The following CTNNA3 variants were observed in gnomAD, a reference collection of about 807,000 sequenced individuals.
CTNNA3 encodes the protein catenin alpha 3.
CTNNA3 carries 76 observed loss-of-function variants against 95.7 expected under a neutral mutation model. The ratio of observed to expected loss-of-function variants is 0.79; its 90% CI spans 0.66 to 0.96. CTNNA3 has a LOEUF of 0.96. CTNNA3 is among the 40% of genes least tolerant of loss of function. CTNNA3 has a pLI of 0.00. For missense variants in CTNNA3, 1,191 were observed against 1,089.8 expected (o/e 1.09, Z -1.31); for synonymous variants, 431 against 374.4 (o/e 1.15, Z -1.74).
intron 7 of CTNNA3, among the ~76,000 whole-genome samples, chr10:67,103,902 AAAC>A (rs199969712): frequency 1.6e-3 from 243 of 151,820 alleles, no homozygotes; most frequent in African/African-American, 4.5e-3. Flanking sequence ...CTAATGGAAA[AAAC>A]AACAACAACA....
At chr10:66,683,933 T>C (rs1847156615) in intron 9 of CTNNA3, among the ~76,000 whole-genome samples, 1 of 152,246 alleles carries the variant, frequency 6.6e-6, no homozygotes, top group African/African-American at 2.4e-5. Flanking sequence ...AAGGCATCAA[T>C]GCTTTGCGAT....
intron 2 of CTNNA3, among the ~76,000 whole-genome samples, chr10:67,613,873 C>T (rs369923213): frequency 6.6e-6 from 1 of 151,862 alleles, no homozygotes; most frequent in African/African-American, 2.4e-5. Context: ...TGGGGGTAGA[C>T]GTTTTTGTGC....
At chr10:67,224,772 G>A (rs774786378) in intron 5 of CTNNA3, among the ~76,000 whole-genome samples, 6 of 152,198 alleles carry the variant, frequency 3.9e-5, no homozygotes, top group African/African-American at 1.4e-4. Context: ...TCCACTGGGA[G>A]GGCAGCCAGA....
intron 15 of CTNNA3, among the ~76,000 whole-genome samples, chr10:66,060,265 C>A (rs1349227595): frequency 1.3e-5 from 2 of 151,864 alleles, no homozygotes; most frequent in African/African-American, 4.8e-5. Flanking sequence ...GAGCAAAAAA[C>A]GGGGCCATAA....
At chr10:67,179,366 G>A (rs1862394690) in intron 7 of CTNNA3, among the ~76,000 whole-genome samples, 1 of 151,354 alleles carries the variant, frequency 6.6e-6, no homozygotes, top group African/African-American at 2.4e-5. Context: ...AATAGTTACA[G>A]ACATTCCATA....
chr10:66,317,377 T>C (rs1224533640), intron 12 of CTNNA3, among the ~76,000 whole-genome samples: 1 of 152,014 alleles, frequency 6.6e-6, no homozygotes, highest in Non-Finnish European at 1.5e-5. Context: ...GAAATACTTA[T>C]AAAAAGAAAT....
At chr10:66,996,185 A>G (rs1851325411) in intron 7 of CTNNA3, among the ~76,000 whole-genome samples, 1 of 152,188 alleles carries the variant, frequency 6.6e-6, no homozygotes, top group South Asian at 2.1e-4. Flanking sequence ...ATGAAGTTTA[A>G]TGGTTTCAAG....
intron 9 of CTNNA3, among the ~76,000 whole-genome samples, chr10:66,711,431 T>C (rs544163593): frequency 6.6e-6 from 1 of 152,144 alleles, no homozygotes; most frequent in South Asian, 2.1e-4. Context: ...TCTTCCTAGG[T>C]GTCCCTCATT....
chr10:67,237,119 GGT>G (rs1353293884), intron 5 of CTNNA3, among the ~76,000 whole-genome samples: 679 of 44,948 alleles, frequency 0.015, 28 homozygotes, highest in South Asian at 0.077. Context: ...AAGAAACTAT[GGT>G]GTATGTATAT....
intron 7 of CTNNA3, among the ~76,000 whole-genome samples, chr10:66,919,914 T>C (rs1417404659): frequency 9.9e-5 from 15 of 152,206 alleles, no homozygotes; most frequent in African/African-American, 2.9e-4. Context: ...TTAAACTCTT[T>C]ACAAAAGCTA....
chr10:66,243,006 T>G (rs748174924), intron 13 of CTNNA3, among the ~76,000 whole-genome samples: 3 of 152,132 alleles, frequency 2.0e-5, no homozygotes, highest in Non-Finnish European at 4.4e-5. Flanking sequence ...GCCAATGATG[T>G]TCTAAAGTAA....
At chr10:66,243,584 T>C (rs1231753992) in intron 13 of CTNNA3, among the ~76,000 whole-genome samples, 4 of 152,174 alleles carry the variant, frequency 2.6e-5, no homozygotes, top group African/African-American at 9.6e-5. Flanking sequence ...GGCTTTGAGT[T>C]GTCCTGCCTC....
intron 5 of CTNNA3, among the ~76,000 whole-genome samples, chr10:67,486,301 C>A (rs2133067339): frequency 2.0e-5 from 3 of 152,296 alleles, no homozygotes; most frequent in Admixed American, 2.0e-4. Flanking sequence ...GACCACTTAT[C>A]TGGATTCTGA....
intron 3 of CTNNA3, among the ~76,000 whole-genome samples, chr10:67,562,727 T>C (rs1346079538): frequency 6.6e-6 from 1 of 152,198 alleles, no homozygotes; most frequent in Non-Finnish European, 1.5e-5. Flanking sequence ...CGTGATAGTA[T>C]ATCTAGAAAA....
intron 1 of CTNNA3, among the ~76,000 whole-genome samples, chr10:67,685,316 T>G (rs1395928876): frequency 6.6e-6 from 1 of 152,216 alleles, no homozygotes; most frequent in Non-Finnish European, 1.5e-5. Flanking sequence ...TGTAAGTACT[T>G]TAAGGTTTAG....
At chr10:67,534,696 G>C (rs916961925) in intron 4 of CTNNA3, among the ~76,000 whole-genome samples, 12 of 152,046 alleles carry the variant, frequency 7.9e-5, no homozygotes, top group Admixed American at 6.6e-4. Flanking sequence ...TCGTGCAAGG[G>C]GAAAAGGCCA....
At chr10:66,382,098 C>G (rs1480086657) in intron 11 of CTNNA3, among the ~76,000 whole-genome samples, 2 of 152,072 alleles carry the variant, frequency 1.3e-5, no homozygotes, top group African/African-American at 4.8e-5. Flanking sequence ...GGGTGCAGCT[C>G]ACAAGGGGTG....
intron 13 of CTNNA3, among the ~76,000 whole-genome samples, chr10:66,141,342 T>C (rs1447285410): frequency 6.6e-6 from 1 of 151,778 alleles, no homozygotes; most frequent in East Asian, 1.9e-4. Flanking sequence ...TTAACAGTAA[T>C]TAGTTTAATA....
intron 3 of CTNNA3, among the ~76,000 whole-genome samples, chr10:67,585,454 A>T (rs573376650): frequency 1.3e-5 from 2 of 152,136 alleles, no homozygotes; most frequent in African/African-American, 2.4e-5. Context: ...CTGTGAATCC[A>T]TCTGGTCCTG....
Sources: gnomAD v4.1 joint callset for allele counts (sites outside exome capture counted in the v4.1 genomes callset) on GRCh38, gnomAD v4.1.1 for gene constraint, MANE v1.5 for transcripts, NCBI Gene and HGNC (gene_info 2026-07-23, HGNC 2026-07-21) for gene names.